The following METAP1D variants were observed in gnomAD, a reference collection of about 807,000 sequenced individuals.
METAP1D encodes the protein methionine aminopeptidase 1D, mitochondrial.
A neutral mutation model predicts 40.5 loss-of-function variants in METAP1D; 31 were observed. The ratio of observed to expected loss-of-function variants is 0.77; its 90% CI spans 0.58 to 1.03. The LOEUF (loss-of-function observed/expected upper bound fraction) is 1.03. Ranked by LOEUF, METAP1D falls within the 50% of genes least tolerant of loss-of-function variation. The probability of loss-of-function intolerance (pLI) is 0.00; values close to 1 mark genes in which losing one functional copy is unlikely to be tolerated. For missense variants in METAP1D, 411 were observed against 420.7 expected (o/e 0.98, Z 0.20); for synonymous variants, 151 against 146.4 (o/e 1.03, Z -0.22).
chr2:172,072,135 T>C (rs1690435076), intron 6 of METAP1D, among the ~76,000 whole-genome samples: 2 of 152,212 alleles, frequency 1.3e-5, no homozygotes, highest in Admixed American at 1.3e-4. Flanking sequence ...CTCTGTTCTT[T>C]CATAGGAAAT....
intron 2 of METAP1D, among the ~76,000 whole-genome samples, chr2:172,062,309 C>T (rs988068557): frequency 3.3e-5 from 5 of 152,210 alleles, no homozygotes; most frequent in East Asian, 3.9e-4. Flanking sequence ...TTGTTTACAG[C>T]GAGCCCATAT....
intron 1 of METAP1D, among the ~76,000 whole-genome samples, chr2:172,026,023 C>T (rs1013482886): frequency 2.6e-5 from 4 of 152,090 alleles, no homozygotes; most frequent in African/African-American, 9.7e-5. Context: ...TTCTTAGTAT[C>T]AAATATGTCA....
chr2:172,016,075 A>G (rs539018993), intron 1 of METAP1D, among the ~76,000 whole-genome samples: 142 of 145,690 alleles, frequency 9.7e-4, no homozygotes, highest in Non-Finnish European at 1.8e-3. Flanking sequence ...TGGCTAATAT[A>G]GTGAAACTCC....
chr2:172,079,167 T>C, intron 7 of METAP1D, 48 bp from the exon 8 acceptor site: 1 of 1,589,120 alleles, frequency 6.3e-7, no homozygotes, highest in Non-Finnish European at 8.6e-7. Context: ...TTTTTTTTTC[T>C]GTCCTCCCCA....
At position 172,063,973 on chromosome 2, in the gene METAP1D, T is replaced by G; in HGVS notation, c.348+113T>G. 1.4e-5 allele frequency: 18 copies of G among 1,245,028 alleles called. No individual in the cohort carries two copies. The South Asian group carries it at 1.7e-4, about 12-fold the overall frequency. The allele number at this position is 1,245,028 out of a possible 1,614,324, so 77.1% of individuals were successfully genotyped here. A position where few individuals can be genotyped will look rare whatever the true frequency, so the allele number is the denominator to read the frequency against. On this transcript the variant is annotated intron_variant, in intron 3 of 9. Coordinates refer to ENST00000315796, the MANE Select transcript of METAP1D (RefSeq NM_199227.3). ...TTGACATCTAATTTGTTTTAAAAATTTATTTGTTTTAAATTAATTTGTTTT... is the reference window on the plus strand; with the variant it reads ...TTGACATCTAATTTGTTTTAAAAATGTATTTGTTTTAAATTAATTTGTTTT...
intron 1 of METAP1D, among the ~76,000 whole-genome samples, chr2:172,023,928 C>T (rs924833258): frequency 2.7e-5 from 4 of 149,754 alleles, no homozygotes; most frequent in African/African-American, 4.9e-5. Flanking sequence ...GATCTCAGCT[C>T]ACTGCAAGCT....
At chr2:172,044,122 A>G (rs1367766228) in intron 1 of METAP1D, among the ~76,000 whole-genome samples, 4 of 134,576 alleles carry the variant, frequency 3.0e-5, no homozygotes, top group Non-Finnish European at 6.9e-5. Flanking sequence ...TTGTCCTTAG[A>G]TTAATCCATA....
rs553101740 is a variant in METAP1D at position 172,043,556 on chromosome 2, GT to G, written c.41-17936del. Among the ~76,000 whole-genome samples, 286 of 134,080 alleles carry G rather than the reference GT, an allele frequency of 2.1e-3. 32 individuals are homozygous for G. Among genetic ancestry groups the G allele is most frequent in the Middle Eastern group, 8.8e-3 (2 of 228 alleles). 88.0% of individuals were successfully genotyped at this position (134,080 alleles called of 152,430 possible). On this transcript the variant is annotated intron_variant, in intron 1 of 9. Transcript: ENST00000315796. ...TTATACTTCAATTTTTAAAACTTAA[GT>G]TTTTTAAAGAAAAGTACGTTTAATG...
intron 1 of METAP1D, among the ~76,000 whole-genome samples, chr2:172,055,266 T>C (rs1020042407): frequency 8.7e-6 from 1 of 115,382 alleles, no homozygotes; most frequent in Non-Finnish European, 2.2e-5. Context: ...ATGCATCAAA[T>C]TTGTTGTAAC....
intron 1 of METAP1D, among the ~76,000 whole-genome samples, chr2:172,037,179 T>C (rs1286400460): frequency 2.6e-5 from 4 of 152,084 alleles, no homozygotes; most frequent in Non-Finnish European, 4.4e-5. Flanking sequence ...GGAGAATCGC[T>C]TGAACCCGGG....
intron 7 of METAP1D, among the ~76,000 whole-genome samples, 198 bp from the exon 8 acceptor site, chr2:172,079,017 T>C (rs1317121299): frequency 6.6e-6 from 1 of 152,136 alleles, no homozygotes; most frequent in African/African-American, 2.4e-5. Context: ...GCACAGATAA[T>C]GCAAAGACTC....
intron 6 of METAP1D, among the ~76,000 whole-genome samples, chr2:172,074,091 GT>G (rs1559021951): frequency 6.6e-6 from 1 of 152,108 alleles, no homozygotes; most frequent in East Asian, 1.9e-4. Flanking sequence ...TAGACTCACT[GT>G]ATCTCCATTT....
chr2:172,028,257 A>T (rs1055193154), intron 1 of METAP1D, among the ~76,000 whole-genome samples: 6 of 152,156 alleles, frequency 3.9e-5, no homozygotes, highest in Admixed American at 3.3e-4. Flanking sequence ...TGATGTGAGA[A>T]CTTGGTGAAA....
intron 3 of METAP1D, among the ~76,000 whole-genome samples, chr2:172,065,102 T>C (rs1690220957): frequency 6.6e-6 from 1 of 152,228 alleles, no homozygotes; most frequent in South Asian, 2.1e-4. Context: ...CTCACTCTTT[T>C]AAATATCAAC....
intron 5 of METAP1D, among the ~76,000 whole-genome samples, chr2:172,067,703 G>A (rs1213912289): frequency 6.6e-6 from 1 of 152,076 alleles, no homozygotes; most frequent in Non-Finnish European, 1.5e-5. Context: ...TGTTTCCAGT[G>A]TGTCCAAAGA....
intron 1 of METAP1D, among the ~76,000 whole-genome samples, chr2:172,039,881 T>C (rs1689475527): frequency 6.6e-6 from 1 of 152,196 alleles, no homozygotes; most frequent in African/African-American, 2.4e-5. Context: ...TTCGCCATGT[T>C]GGCCAGGCTG....
At position 172,077,325 on chromosome 2, in the gene METAP1D, T is replaced by G. The variant is rs577313291; in HGVS notation, c.705-472T>G. ...GAAATAGAGCAGAAAAAGGGAACCA[T>G]AGAAGTAGAAAGTCATATTTCTATA... On this transcript the variant is annotated intron_variant, in intron 6 of 9. Transcript: ENST00000315796. Among the ~76,000 whole-genome samples the G allele has an allele frequency of 8.0e-4, 122 of 152,348 alleles. 4 individuals are homozygous for G. The South Asian group carries it at 0.024, about 30-fold the overall frequency.
At chr2:172,040,635 GA>G (rs1689497597) in intron 1 of METAP1D, among the ~76,000 whole-genome samples, 1 of 151,912 alleles carries the variant, frequency 6.6e-6, no homozygotes. Context: ...CGGAGTGGCA[GA>G]TTTGTTTTAA....
chr2:172,022,721 T>G (rs1689033574), intron 1 of METAP1D, among the ~76,000 whole-genome samples: 2 of 152,212 alleles, frequency 1.3e-5, no homozygotes, highest in African/African-American at 4.8e-5. Flanking sequence ...TTAGAATTTA[T>G]TTCAAATACT....
Sources: allele counts gnomAD v4.1 joint callset (sites outside exome capture counted in the v4.1 genomes callset), GRCh38; gene constraint gnomAD v4.1.1; transcripts MANE v1.5; gene names NCBI Gene and HGNC (gene_info 2026-07-23, HGNC 2026-07-21).